Variants in ADAMTS6 observed in about 807,000 individuals in gnomAD.
ADAMTS6 encodes the protein A disintegrin and metalloproteinase with thrombospondin motifs 6.
A neutral mutation model predicts 144.3 loss-of-function variants in ADAMTS6; 23 were observed. That is an observed-to-expected ratio of 0.16 (90% CI 0.11 to 0.23). ADAMTS6 has a LOEUF of 0.23. ADAMTS6 is among the 10% of genes least tolerant of loss of function. ADAMTS6 has a pLI of 1.00. For synonymous variants in ADAMTS6, 444 were observed against 457.5 expected (o/e 0.97, Z 0.38); for missense variants, 999 against 1,379.6 (o/e 0.72, Z 4.37).
At chr5:65,459,440 C>T (rs1318786893) in intron 4 of ADAMTS6, among the ~76,000 whole-genome samples, 1 of 152,122 alleles carries the variant, frequency 6.6e-6, no homozygotes, top group Non-Finnish European at 1.5e-5. Flanking sequence ...CAACCACTTC[C>T]CCCAACCACT....
In ADAMTS6 at chr5:65,262,849, G is replaced by A. The variant is rs772120951; in HGVS notation, c.1734C>T (p.Val578=). Residue 578 remains valine (V), a synonymous_variant, in exon 13 of 25, where the codon GTC becomes GTT. Coordinates refer to ENST00000381055, the MANE Select transcript of ADAMTS6 (RefSeq NM_197941.4). Reference sequence around the variant, plus strand: ...TGTCACAGTGTCTTAGGGATGAGGAGACGCCTCCCCCGCAGGTCCTGCTGC... The same window carrying A: ...TGTCACAGTGTCTTAGGGATGAGGAAACGCCTCCCCCGCAGGTCCTGCTGC... ...GECSRTCGGG[V]SSSLRHCDSP... is the part of the protein sequence containing the mutation. 1 of 1,571,370 alleles carries A rather than the reference G, an allele frequency of 6.4e-7. No homozygotes were observed. The highest frequency in any genetic ancestry group is 8.6e-7 in the Non-Finnish European group (1 of 1,163,040).
chr5:65,181,821 G>A (rs922927345), intron 22 of ADAMTS6, among the ~76,000 whole-genome samples: 6 of 152,294 alleles, frequency 3.9e-5, no homozygotes, highest in Admixed American at 3.3e-4. Context: ...TTTGTATTTC[G>A]AGGCTATGAT....
rs1337640134 is a variant in ADAMTS6 at position 65,254,424 on chromosome 5, T to C, written c.1830+6176A>G. On this transcript the variant is annotated intron_variant, in intron 14 of 24. Transcript: ENST00000381055. Reference sequence around the variant, plus strand: ...ATGCTAGCACAATATTTTAAACACATGGCAAATTCCTAGCAAAGAAATACT... The same window carrying C: ...ATGCTAGCACAATATTTTAAACACACGGCAAATTCCTAGCAAAGAAATACT... 3.3e-5 allele frequency among the ~76,000 whole-genome samples: 5 copies of C among 152,254 alleles called. No individual in the cohort carries two copies. In the South Asian group the frequency reaches 8.3e-4, roughly 25 times the overall value.
At chr5:65,306,766 T>C (rs566436354) in intron 9 of ADAMTS6, among the ~76,000 whole-genome samples, 24 of 152,322 alleles carry the variant, frequency 1.6e-4, no homozygotes, top group Middle Eastern at 3.4e-3. Context: ...TAATTTGCCT[T>C]TATCTGAATA....
chr5:65,294,979 C>T (rs932555835), intron 10 of ADAMTS6, among the ~76,000 whole-genome samples: 4 of 152,004 alleles, frequency 2.6e-5, no homozygotes, highest in African/African-American at 9.7e-5. Flanking sequence ...TCTTTTGTAA[C>T]TTTATTCTTT....
At chr5:65,396,354 T>A (rs1461005424) in intron 7 of ADAMTS6, among the ~76,000 whole-genome samples, 1 of 152,160 alleles carries the variant, frequency 6.6e-6, no homozygotes, top group Non-Finnish European at 1.5e-5. Flanking sequence ...GAAAGAAACT[T>A]TAAAATAAAG....
intron 4 of ADAMTS6, 76 bp from the exon 5 acceptor site, chr5:65,452,994 C>T: frequency 1.8e-6 from 2 of 1,123,868 alleles, no homozygotes; most frequent in South Asian, 3.4e-5. Flanking sequence ...TGTAGACATG[C>T]TTCTCACAAA....
At chr5:65,269,317 T>C (rs1214929504) in intron 12 of ADAMTS6, among the ~76,000 whole-genome samples, 1 of 152,246 alleles carries the variant, frequency 6.6e-6, no homozygotes, top group African/African-American at 2.4e-5. Context: ...TAGAGATTCA[T>C]TATTTTACCA....
chr5:65,204,122 A>G (rs62369565), intron 20 of ADAMTS6, among the ~76,000 whole-genome samples: 21,857 of 152,190 alleles, frequency 0.14, 1,654 homozygotes, highest in Non-Finnish European at 0.17. Flanking sequence ...ATTAGAGAAA[A>G]TGCAATCCAC....
intron 14 of ADAMTS6, among the ~76,000 whole-genome samples, chr5:65,252,991 G>A (rs1760313341): frequency 6.6e-6 from 1 of 151,986 alleles, no homozygotes; most frequent in Non-Finnish European, 1.5e-5. Flanking sequence ...GGGCTCAGGT[G>A]ATCCTCCCAT....
chr5:65,383,546 A>G (rs970966723), intron 7 of ADAMTS6, among the ~76,000 whole-genome samples: 1 of 152,234 alleles, frequency 6.6e-6, no homozygotes, highest in African/African-American at 2.4e-5. Context: ...ATACTGGGAC[A>G]GGGATTAGGC....
intron 11 of ADAMTS6, among the ~76,000 whole-genome samples, chr5:65,274,189 C>A (rs1435378342): frequency 6.6e-6 from 1 of 151,916 alleles, no homozygotes; most frequent in African/African-American, 2.4e-5. Context: ...ATATAAAATA[C>A]TTTTTTGTTA....
chr5:65,392,295 A>G (rs1752991028), intron 7 of ADAMTS6, among the ~76,000 whole-genome samples: 2 of 152,156 alleles, frequency 1.3e-5, no homozygotes, highest in South Asian at 4.1e-4. Context: ...CTAACACTTG[A>G]AGTTAATCAA....
chr5:65,152,296 T>G (rs2111939023), intron 24 of ADAMTS6, among the ~76,000 whole-genome samples: 1 of 152,350 alleles, frequency 6.6e-6, no homozygotes, highest in South Asian at 2.1e-4. Context: ...CTTACAGCAC[T>G]TTTATTGCTT....
In ADAMTS6 at chr5:65,224,379, A is replaced by G; in HGVS notation, c.2213T>C (p.Ile738Thr). ...PRGGYMEVVQ[I>T]PRGSVHIEVR... ...TTCAATGTGAACAGAGCCTCTTGGTATCTGCACCACTTCCATGTAGCCTGG... is the reference window on the plus strand; with the variant it reads ...TTCAATGTGAACAGAGCCTCTTGGTGTCTGCACCACTTCCATGTAGCCTGG... The change falls in exon 18 of 25, where the codon ATA becomes ACA. Residue 738 changes from isoleucine to threonine, a missense_variant. By Grantham distance (89) the Ile-to-Thr change is moderately conservative (BLOSUM62 -1). This residue lies in a region of ADAMTS6 where 619 missense variants were observed against 837.0 expected (regional missense o/e 0.74). Transcript: ENST00000381055. 1 of 1,614,152 alleles carries G rather than the reference A, an allele frequency of 6.2e-7. No homozygotes were observed. The highest frequency in any genetic ancestry group is 8.5e-7 in the Non-Finnish European group (1 of 1,180,012).
chr5:65,185,594 T>C (rs1754628096), intron 22 of ADAMTS6, among the ~76,000 whole-genome samples: 1 of 152,200 alleles, frequency 6.6e-6, no homozygotes, highest in Non-Finnish European at 1.5e-5. Flanking sequence ...CTCAGCCATG[T>C]TAAAGAGTAT....
intron 22 of ADAMTS6, among the ~76,000 whole-genome samples, chr5:65,178,734 G>A (rs976902941): frequency 7.2e-5 from 11 of 152,234 alleles, no homozygotes; most frequent in East Asian, 5.8e-4. Flanking sequence ...GAATATAAAG[G>A]CCCCCCATAC....
intron 7 of ADAMTS6, among the ~76,000 whole-genome samples, chr5:65,385,669 C>A (rs528820872): frequency 2.0e-3 from 302 of 152,102 alleles, no homozygotes; most frequent in Non-Finnish European, 3.6e-3. Flanking sequence ...TTCTGATTCC[C>A]AATAAATTTC....
intron 7 of ADAMTS6, among the ~76,000 whole-genome samples, chr5:65,419,630 C>T (rs1755847473): frequency 6.6e-6 from 1 of 151,946 alleles, no homozygotes; most frequent in Admixed American, 6.6e-5. Flanking sequence ...TGTGGTATAT[C>T]CATACAATGG....
Sources: allele counts gnomAD v4.1 joint callset (sites outside exome capture counted in the v4.1 genomes callset), GRCh38; gene constraint gnomAD v4.1.1; regional missense constraint gnomAD v4.1.1; transcripts MANE v1.5; gene names NCBI Gene and HGNC (gene_info 2026-07-23, HGNC 2026-07-21).